Variants in CAMSAP1 observed in about 807,000 individuals in gnomAD.
The protein encoded by CAMSAP1 is calmodulin regulated spectrin associated protein 1, also known as calmodulin-regulated spectrin-associated protein 1.
A neutral mutation model predicts 143.5 loss-of-function variants in CAMSAP1; 58 were observed. The observed-to-expected ratio is 0.40, with a 90% CI of 0.33 to 0.50. CAMSAP1 has a LOEUF of 0.50. CAMSAP1 is among the 20% of genes least tolerant of loss of function. The pLI, the probability that CAMSAP1 is intolerant of heterozygous loss-of-function variation, is 0.45. For synonymous variants in CAMSAP1, 945 were observed against 859.3 expected, an observed-to-expected ratio of 1.10 and a Z score of -1.74; for missense variants, 1,969 against 2,115.7, an observed-to-expected ratio of 0.93 and a Z score of 1.36.
At chr9:135,852,365 A>C (rs1836813547) in intron 5 of CAMSAP1, among the ~76,000 whole-genome samples, 1 of 152,210 alleles carries the variant, frequency 6.6e-6, no homozygotes, top group Admixed American at 6.5e-5. Flanking sequence ...TACATTTAAC[A>C]ATCTTTTCTA....
At chr9:135,834,094 A>C (rs1176942837) in intron 7 of CAMSAP1, among the ~76,000 whole-genome samples, 1 of 152,218 alleles carries the variant, frequency 6.6e-6, no homozygotes, top group Non-Finnish European at 1.5e-5. Context: ...AGTGCAAATC[A>C]AAACCACAAT....
rs909595456 is a variant in CAMSAP1, at chr9:135,882,016, C to T, written c.424-222G>A. On this transcript the variant is annotated intron_variant, in intron 2 of 16. Coordinates refer to ENST00000389532, the MANE Select transcript of CAMSAP1 (RefSeq NM_015447.4). This position sits in a 1 kb window ranked among gnomAD's most constrained non-coding sequence, Gnocchi z 4.9. ...TCAAGACCGTCTGGAACCAGGAGTC[C>T]GTTCTCAGGCAGGCAGGCCAGCCCT... 2.6e-5 allele frequency among the ~76,000 whole-genome samples: 4 copies of T among 152,230 alleles called. No homozygotes were observed. The highest frequency in any genetic ancestry group is 9.6e-5 in the African/African-American group (4 of 41,462).
At position 135,820,346 on chromosome 9, in the gene CAMSAP1, A is replaced by G. The variant is rs1835399596; in HGVS notation, c.3822+493T>C. 6.6e-6 allele frequency among the ~76,000 whole-genome samples: 1 copy of G among 152,214 alleles called. No individual in the cohort carries two copies. The highest frequency in any genetic ancestry group is 2.4e-5 in the African/African-American group (1 of 41,450). On this transcript the variant is annotated intron_variant, in intron 11 of 16. Transcript: ENST00000389532. The surrounding 1 kb of genome is among the most constrained non-coding windows in gnomAD (Gnocchi z 4.4). ...GACGCACTGACTATTAAAACAGTTC[A>G]GTTTACGCTTCCCTTCATATCTAAG... is the stretch of plus-strand genomic sequence containing the variant.
Position 135,824,656 on chromosome 9 carries a change from T to G in CAMSAP1, c.1315+133A>C. ...CTTCAGCCTGGTGACAGAGCAAGAC[T>G]CCATCTCAAAAAACAAACAAACAAA... On this transcript the variant is annotated intron_variant, in intron 9 of 16. Transcript: ENST00000389532. This position sits in a 1 kb window ranked among gnomAD's most constrained non-coding sequence, Gnocchi z 4.1. 1 of 696,236 alleles carries G rather than the reference T, an allele frequency of 1.4e-6. No individual in the cohort carries two copies. The highest frequency in any genetic ancestry group is 2.9e-4 in the Middle Eastern group (1 of 3,444). The allele number at this position is 696,236 out of a possible 1,614,324, so 43.1% of individuals were successfully genotyped here. A position where few individuals can be genotyped will look rare whatever the true frequency, so the allele number is the denominator to read the frequency against.
At position 135,822,557 on chromosome 9, in the gene CAMSAP1, GGAA is replaced by G. The variant is rs771643447; in HGVS notation, c.2101_2103del (p.Phe701del). Reference sequence around the variant, plus strand: ...TCTTCATCGGCCCTGCCTACATGAAGGAAGAAGCCATCCGTGGATGGTCCCTGG... The same window carrying G: ...TCTTCATCGGCCCTGCCTACATGAAGGAAGCCATCCGTGGATGGTCCCTGG... On this transcript the variant is annotated inframe_deletion, in exon 11 of 17. Coordinates refer to ENST00000389532, the MANE Select transcript of CAMSAP1 (RefSeq NM_015447.4). This position sits in a 1 kb window ranked among gnomAD's most constrained non-coding sequence, Gnocchi z 6.1. 6.2e-7 allele frequency: 1 copy of G among 1,613,760 alleles called. No homozygotes were observed. Among genetic ancestry groups the G allele is most frequent in the South Asian group, 1.1e-5 (1 of 91,074 alleles).
At chr9:135,892,845 T>A (rs1386841010) in intron 1 of CAMSAP1, among the ~76,000 whole-genome samples, 2 of 10,236 alleles carry the variant, frequency 2.0e-4, no homozygotes, top group Admixed American at 1.2e-3. Flanking sequence ...AGCAAGACTG[T>A]CTCAAAAAAA....
rs573556643 is a variant in CAMSAP1, at chr9:135,827,598, G to A, written c.1046-14C>T. ...ACACTGTTTTCGCTGCAGAAATAGCGTTTTTGCATCGTTACTTACAACACT... is the reference window on the plus strand; with the variant it reads ...ACACTGTTTTCGCTGCAGAAATAGCATTTTTGCATCGTTACTTACAACACT... On this transcript the variant is annotated splice_polypyrimidine_tract_variant and intron_variant, in intron 7 of 16. Transcript: ENST00000389532. 1.4e-5 allele frequency: 21 copies of A among 1,548,086 alleles called. No homozygotes were observed. The East Asian group carries it at 2.3e-4, about 17-fold the overall frequency.
At chr9:135,901,663 C>G (rs796712221) in intron 1 of CAMSAP1, among the ~76,000 whole-genome samples, 5 of 152,028 alleles carry the variant, frequency 3.3e-5, no homozygotes, top group African/African-American at 7.3e-5. Flanking sequence ...TCCAGCCTAA[C>G]GACATCAACT....
rs1015010417 is a variant in CAMSAP1 at position 135,862,595 on chromosome 9, C to T, written c.680G>A (p.Arg227Gln). ...TGACTGCCTAGCAGAAAGGTGCTCT[C>T]GTCGATAGCGGACCTGTAGTTGATA... ...SPAHQKVRYR[R>Q]EHLSARQSPY... Residue 227 changes from arginine (R) to glutamine (Q), a missense_variant, in exon 5 of 17, where the codon CGA becomes CAA. Arg to Gln is a conservative substitution (Grantham distance 43). Coordinates refer to ENST00000389532, the MANE Select transcript of CAMSAP1 (RefSeq NM_015447.4). The T allele has an allele frequency of 5.8e-6, 9 of 1,551,542 alleles. No homozygotes were observed. Among genetic ancestry groups the T allele is most frequent in the Non-Finnish European group, 7.8e-6 (9 of 1,147,008 alleles).
intron 4 of CAMSAP1, among the ~76,000 whole-genome samples, chr9:135,863,599 T>C (rs1168738141): frequency 6.6e-6 from 1 of 152,250 alleles, no homozygotes; most frequent in East Asian, 1.9e-4. Context: ...TTCAGGTTGT[T>C]ATGTCAATAA....
intron 7 of CAMSAP1, among the ~76,000 whole-genome samples, chr9:135,834,853 A>C (rs1054606743): frequency 1.3e-5 from 2 of 152,206 alleles, no homozygotes; most frequent in African/African-American, 4.8e-5. Flanking sequence ...ACGTGTATCA[A>C]AACATCATGC....
chr9:135,900,076 A>C (rs1437546972), intron 1 of CAMSAP1, among the ~76,000 whole-genome samples: 7 of 152,198 alleles, frequency 4.6e-5, no homozygotes, highest in African/African-American at 1.7e-4. Context: ...CCCAAGCCGA[A>C]GTGCAGTGTC....
chr9:135,905,508 T>C (rs542474722), intron 1 of CAMSAP1, among the ~76,000 whole-genome samples: 2 of 152,254 alleles, frequency 1.3e-5, no homozygotes, highest in Admixed American at 6.5e-5. Context: ...TGCACTGGGC[T>C]CCACAGCACC....
intron 4 of CAMSAP1, chr9:135,865,428 A>G: frequency 1.4e-6 from 2 of 1,479,620 alleles, no homozygotes; most frequent in Non-Finnish European, 1.8e-6. Context: ...CCACGTGTGG[A>G]CGAGGTAACA....
rs542198011 is a variant in CAMSAP1, at chr9:135,882,142, G to C, written c.424-348C>G. ...GTGCAGCTCCCAGGTCGTGGTTGTG[G>C]GAAGGCAGACAGGAGACCTGCCCCA... On this transcript the variant is annotated intron_variant, in intron 2 of 16. Coordinates refer to ENST00000389532, the MANE Select transcript of CAMSAP1 (RefSeq NM_015447.4). The surrounding 1 kb of genome is among the most constrained non-coding windows in gnomAD (Gnocchi z 4.9). Among the ~76,000 whole-genome samples, 21 of 152,324 alleles carry C rather than the reference G, an allele frequency of 1.4e-4. No individual in the cohort carries two copies. In the Middle Eastern group the frequency reaches 0.01, roughly 74 times the overall value.
intron 16 of CAMSAP1, among the ~76,000 whole-genome samples, chr9:135,812,021 G>A (rs532609785): frequency 2.6e-5 from 4 of 152,284 alleles, no homozygotes; most frequent in African/African-American, 7.2e-5. Context: ...GAGCACAGCA[G>A]CTGCTGTGAA....
chr9:135,891,119 CT>C (rs1232446925), intron 1 of CAMSAP1, among the ~76,000 whole-genome samples: 2 of 152,262 alleles, frequency 1.3e-5, no homozygotes, highest in Non-Finnish European at 2.9e-5. Flanking sequence ...GAGAGAAACC[CT>C]GTCTTTCTCT....
In CAMSAP1 at chr9:135,811,354, C is replaced by T; in HGVS notation, c.4764G>A (p.Gln1588=). ...TCTTTGGCACTGCAGGCCGCTTGGG[C>T]TGCCACAGGTGGTTGTGGATTGTGA... ...DALTIHNHLW[Q]PKRPAVPKKA... The change falls in exon 17 of 17, where the codon CAG becomes CAA. Residue 1588 remains glutamine, a synonymous_variant. Transcript: ENST00000389532. This position sits in a 1 kb window ranked among gnomAD's most constrained non-coding sequence, Gnocchi z 4.9. The T allele has an allele frequency of 1.2e-6, 2 of 1,613,088 alleles. No individual in the cohort carries two copies. Among genetic ancestry groups the T allele is most frequent in the Non-Finnish European group, 1.7e-6 (2 of 1,179,520 alleles).
At chr9:135,887,871 A>T (rs1588505665) in intron 1 of CAMSAP1, among the ~76,000 whole-genome samples, 1 of 152,204 alleles carries the variant, frequency 6.6e-6, no homozygotes, top group Non-Finnish European at 1.5e-5. Context: ...CACTCCTCGG[A>T]CTGCTACGTC....
Sources: gnomAD v4.1 joint callset for allele counts (sites outside exome capture counted in the v4.1 genomes callset) on GRCh38, gnomAD v4.1.1 for gene constraint, Gnocchi (gnomAD v3.1) non-coding constraint, MANE v1.5 for transcripts, NCBI Gene and HGNC (gene_info 2026-07-23, HGNC 2026-07-21) for gene names.